HEPHL1: variants seen among roughly 807,000 people sequenced by gnomAD.
The protein encoded by HEPHL1 is hephaestin like 1.
A neutral mutation model predicts 122.0 loss-of-function variants in HEPHL1; 123 were observed. That is an observed-to-expected ratio of 1.01 (90% CI 0.87 to 1.17). The LOEUF (loss-of-function observed/expected upper bound fraction) is 1.17, where lower values mean the gene tolerates loss of function less well. Among genes scored for constraint, HEPHL1 ranks in the 50% most tolerant of loss-of-function variants. The pLI, the probability that HEPHL1 is intolerant of heterozygous loss-of-function variation, is 0.00. For missense variants in HEPHL1, 1,452 were observed against 1,430.5 expected (o/e 1.01, Z -0.24); for synonymous variants, 527 against 508.9 (o/e 1.04, Z -0.48).
intron 11 of HEPHL1, 125 bp from the exon 12 acceptor site, chr11:94,088,630 A>G (rs1470545721): frequency 2.9e-6 from 2 of 701,306 alleles, no homozygotes; most frequent in Non-Finnish European, 4.7e-6. Flanking sequence ...CTACTAGACA[A>G]CTGGTATTTT....
chr11:94,026,913 T>A (rs1237620351), intron 1 of HEPHL1, among the ~76,000 whole-genome samples: 1 of 152,230 alleles, frequency 6.6e-6, no homozygotes, highest in East Asian at 1.9e-4. Flanking sequence ...AGTACTTGCT[T>A]TGAGGGTGTA....
intron 2 of HEPHL1, among the ~76,000 whole-genome samples, chr11:94,059,368 C>T (rs1358574103): frequency 1.3e-5 from 2 of 152,040 alleles, no homozygotes; most frequent in Non-Finnish European, 1.5e-5. Context: ...TACATTATTA[C>T]AAATAAAATT....
At chr11:94,055,528 C>A (rs1035943381) in intron 2 of HEPHL1, 10 of 240,220 alleles carry the variant, frequency 4.2e-5, no homozygotes, top group Non-Finnish European at 7.6e-5. Flanking sequence ...CGTTGTTAAC[C>A]GGCTTGGAGA....
intron 1 of HEPHL1, among the ~76,000 whole-genome samples, chr11:94,043,539 C>G (rs552235101): frequency 6.6e-6 from 1 of 152,148 alleles, no homozygotes; most frequent in South Asian, 2.1e-4. Flanking sequence ...GGCTGAGGCA[C>G]TTGCTCCATT....
chr11:94,073,852 C>T (rs958732143), intron 8 of HEPHL1, among the ~76,000 whole-genome samples: 4 of 152,054 alleles, frequency 2.6e-5, no homozygotes, highest in East Asian at 1.9e-4. Flanking sequence ...TTGTTGACAT[C>T]GAAATCTTAC....
At chr11:94,101,950 T>C (rs1356570961) in intron 14 of HEPHL1, among the ~76,000 whole-genome samples, 1 of 152,226 alleles carries the variant, frequency 6.6e-6, no homozygotes, top group Non-Finnish European at 1.5e-5. Flanking sequence ...ATTTTGAGAG[T>C]GAGAGTCTAC....
At chr11:94,100,936 A>C (rs1946362619) in intron 13 of HEPHL1, among the ~76,000 whole-genome samples, 1 of 152,234 alleles carries the variant, frequency 6.6e-6, no homozygotes, top group Non-Finnish European at 1.5e-5. Flanking sequence ...GAGGAAACTG[A>C]AACTCAGACA....
chr11:94,099,560 G>A (rs184749710), intron 13 of HEPHL1, among the ~76,000 whole-genome samples: 56 of 152,316 alleles, frequency 3.7e-4, no homozygotes, highest in African/African-American at 1.2e-3. Flanking sequence ...GGACATTTAC[G>A]TCTGCAGAGG....
At chr11:94,043,314 T>C (rs1307175066) in intron 1 of HEPHL1, among the ~76,000 whole-genome samples, 1 of 152,152 alleles carries the variant, frequency 6.6e-6, no homozygotes, top group Admixed American at 6.5e-5. Flanking sequence ...TCCAGACTCA[T>C]GTACCAGTCC....
At chr11:94,096,643 G>C (rs548893050) in intron 13 of HEPHL1, among the ~76,000 whole-genome samples, 2 of 152,208 alleles carry the variant, frequency 1.3e-5, no homozygotes, top group Non-Finnish European at 2.9e-5. Flanking sequence ...AAATATGTCT[G>C]GTCCTGGACT....
At chr11:94,099,507 C>G (rs1320244444) in intron 13 of HEPHL1, among the ~76,000 whole-genome samples, 1 of 152,174 alleles carries the variant, frequency 6.6e-6, no homozygotes, top group Non-Finnish European at 1.5e-5. Flanking sequence ...ATCTCAAACT[C>G]TGTGCTGGGA....
intron 1 of HEPHL1, among the ~76,000 whole-genome samples, chr11:94,022,802 G>A (rs988557307): frequency 6.6e-6 from 1 of 152,174 alleles, no homozygotes; most frequent in Non-Finnish European, 1.5e-5. Flanking sequence ...AAAATGCCAG[G>A]AGCCTTCTCT....
intron 1 of HEPHL1, among the ~76,000 whole-genome samples, chr11:94,031,563 CATTCT>C (rs1945675903): frequency 6.6e-6 from 1 of 152,186 alleles, no homozygotes. Flanking sequence ...CTATCAAAAT[CATTCT>C]CTAATTTTTT....
chr11:94,086,573 T>C (rs1946220204), intron 11 of HEPHL1, among the ~76,000 whole-genome samples: 1 of 152,224 alleles, frequency 6.6e-6, no homozygotes, highest in Admixed American at 6.5e-5. Flanking sequence ...GACATCCCAG[T>C]GGATGCTTCC....
chr11:94,084,431 T>A (rs936612429), intron 10 of HEPHL1, among the ~76,000 whole-genome samples: 1 of 152,042 alleles, frequency 6.6e-6, no homozygotes, highest in Non-Finnish European at 1.5e-5. Context: ...AAATAATGCA[T>A]CTTAATTCAA....
intron 13 of HEPHL1, among the ~76,000 whole-genome samples, chr11:94,098,862 A>G (rs1946342681): frequency 6.6e-6 from 1 of 152,160 alleles, no homozygotes; most frequent in African/African-American, 2.4e-5. Flanking sequence ...TTTCAGCTCT[A>G]TCAGGTCATT....
intron 15 of HEPHL1, among the ~76,000 whole-genome samples, chr11:94,103,998 T>C: frequency 6.6e-6 from 1 of 152,208 alleles, no homozygotes; most frequent in East Asian, 1.9e-4. Context: ...ACTTATAACT[T>C]TGTGGGAAAA....
chr11:94,094,172 T>C lies in HEPHL1; in HGVS notation c.2434+532T>C, dbSNP rs180805832. Among the ~76,000 whole-genome samples, 350 of 151,370 alleles carry C rather than the reference T, an allele frequency of 2.3e-3. 2 individuals are homozygous for C. In the East Asian group the frequency reaches 0.032, roughly 14 times the overall value. ...CCTGCCCCTACCCCACGACAGGCCC[T>C]GGTGTGTGATGTTCCCCTTCCTGTG... On this transcript the variant is annotated intron_variant, in intron 13 of 19. Coordinates refer to ENST00000315765, the MANE Select transcript of HEPHL1 (RefSeq NM_001098672.2).
intron 9 of HEPHL1, among the ~76,000 whole-genome samples, chr11:94,075,727 A>G (rs1355412712): frequency 2.0e-5 from 3 of 152,278 alleles, no homozygotes; most frequent in Non-Finnish European, 2.9e-5. Flanking sequence ...TCTCAAATCA[A>G]AATTACTTGG....
Sources: gnomAD v4.1 joint callset for allele counts (sites outside exome capture counted in the v4.1 genomes callset) on GRCh38, gnomAD v4.1.1 for gene constraint, MANE v1.5 for transcripts, NCBI Gene and HGNC (gene_info 2026-07-23, HGNC 2026-07-21) for gene names.